Variants in SLCO4C1 observed in about 807,000 individuals in gnomAD.
The protein encoded by SLCO4C1 is solute carrier organic anion transporter family member 4C1, also known as organic anion transporter M1.
Under a neutral mutation model 72.1 loss-of-function variants are expected in SLCO4C1, and 58 were observed. The observed-to-expected ratio is 0.80, with a 90% CI of 0.65 to 1.00. SLCO4C1 has a LOEUF of 1.00. Among genes scored for constraint, SLCO4C1 ranks in the 50% least tolerant of loss-of-function variants. SLCO4C1 has a pLI of 0.00. For synonymous variants in SLCO4C1, 297 were observed against 312.5 expected, an observed-to-expected ratio of 0.95 and a Z score of 0.52; for missense variants, 898 against 857.9, an observed-to-expected ratio of 1.05 and a Z score of -0.58.
chr5:102,253,963 A>G (rs1748788825), intron 8 of SLCO4C1, among the ~76,000 whole-genome samples: 1 of 152,082 alleles, frequency 6.6e-6, no homozygotes, highest in South Asian at 2.1e-4. Context: ...TTATATATAT[A>G]TATATCCCCT....
Position 102,295,967 on chromosome 5 carries a change from T to C in SLCO4C1, c.296A>G (p.Gln99Arg). ...AAAGCCTCCAGGTGTGTTGCAGCGCTGGAGACATTGAGGATGGAAGTTCCT... is the reference window on the plus strand; with the variant it reads ...AAAGCCTCCAGGTGTGTTGCAGCGCCGGAGACATTGAGGATGGAAGTTCCT... Reference protein sequence around the residue: ...GWRNFHPQCLQRCNTPGGFLL... With the variant: ...GWRNFHPQCLRRCNTPGGFLL... Residue 99 changes from glutamine (Q) to arginine (R), a missense_variant, in exon 1 of 13, where the codon CAG becomes CGG. Gln to Arg is a conservative substitution (Grantham distance 43). Transcript: ENST00000310954. 2 of 1,614,254 alleles carry C rather than the reference T, an allele frequency of 1.2e-6. No individual in the cohort carries two copies. Among genetic ancestry groups the C allele is most frequent in the East Asian group, 2.2e-5 (1 of 44,880 alleles).
At chr5:102,247,862 C>T (rs1246084199) in intron 9 of SLCO4C1, among the ~76,000 whole-genome samples, 1 of 150,880 alleles carries the variant, frequency 6.6e-6, no homozygotes, top group African/African-American at 2.4e-5. Flanking sequence ...CGAATCAGAG[C>T]AGAGCCAGAG....
rs757422317 is a variant in SLCO4C1, at chr5:102,257,932, A to G, written c.1273+11T>C. On this transcript the variant is annotated intron_variant, in intron 7 of 12. Transcript: ENST00000310954. ...TAAAATTTTTAGGTTAAGATAAAGA[A>G]AATGTTTTACCTCCAAGAGTAGCTG... 3 of 1,595,100 alleles carry G rather than the reference A, an allele frequency of 1.9e-6. No individual in the cohort carries two copies. The highest frequency in any genetic ancestry group is 2.6e-6 in the Non-Finnish European group (3 of 1,174,610).
At chr5:102,247,890 T>A (rs1006029051) in intron 9 of SLCO4C1, among the ~76,000 whole-genome samples, 2 of 150,580 alleles carry the variant, frequency 1.3e-5, no homozygotes, top group Non-Finnish European at 3.0e-5. Context: ...AGAGAAGCAG[T>A]GCTTTCATTG....
chr5:102,293,605 A>T (rs1749594568), intron 1 of SLCO4C1, among the ~76,000 whole-genome samples: 1 of 152,216 alleles, frequency 6.6e-6, no homozygotes, highest in South Asian at 2.1e-4. Flanking sequence ...TTTCTTTCCA[A>T]TTAAATGTAT....
chr5:102,281,903 G>A (rs1749363469), intron 2 of SLCO4C1, among the ~76,000 whole-genome samples: 1 of 151,938 alleles, frequency 6.6e-6, no homozygotes, highest in South Asian at 2.1e-4. Context: ...TTTACTCCTG[G>A]GCATCTATTC....
In SLCO4C1 at chr5:102,270,680, AG is replaced by A; in HGVS notation, c.745del (p.Leu249TrpfsTer19). ...LGAGGTPLYT[L>X]GTAFLDDSVP... ...AGAATCATCAAGAAAGGCTGTTCCC[AG>A]AGTATAAAGAGGAGTTCCTCCTGCC... is the stretch of plus-strand genomic sequence containing the variant. On this transcript the variant is annotated frameshift_variant, in exon 3 of 13. Transcript: ENST00000310954. LOFTEE classifies it high-confidence loss of function. The A allele has an allele frequency of 6.2e-7, 1 of 1,613,258 alleles. No individual in the cohort carries two copies. Among genetic ancestry groups the A allele is most frequent in the East Asian group, 2.2e-5 (1 of 44,820 alleles).
intron 8 of SLCO4C1, among the ~76,000 whole-genome samples, chr5:102,251,241 G>C (rs757045387): frequency 1.3e-5 from 2 of 152,144 alleles, no homozygotes; most frequent in Non-Finnish European, 2.9e-5. Flanking sequence ...AATGGAAAGT[G>C]ACACTGTCAA....
chr5:102,266,112 A>T (rs1427996695), intron 3 of SLCO4C1, among the ~76,000 whole-genome samples: 1 of 152,094 alleles, frequency 6.6e-6, no homozygotes, highest in Non-Finnish European at 1.5e-5. Flanking sequence ...CTAGTTCATC[A>T]TTGGTGTAAA....
At chr5:102,289,312 G>A (rs1749511566) in intron 2 of SLCO4C1, among the ~76,000 whole-genome samples, 1 of 152,194 alleles carries the variant, frequency 6.6e-6, no homozygotes, top group Non-Finnish European at 1.5e-5. Context: ...AGGAAAATAA[G>A]TTCTTCACAA....
intron 3 of SLCO4C1, among the ~76,000 whole-genome samples, chr5:102,267,131 T>G (rs955148492): frequency 6.6e-6 from 1 of 152,186 alleles, no homozygotes; most frequent in Non-Finnish European, 1.5e-5. Flanking sequence ...AGGGTAATAC[T>G]GGTCTCAGAA....
At chr5:102,272,669 G>A (rs1240222311) in intron 2 of SLCO4C1, among the ~76,000 whole-genome samples, 2 of 152,100 alleles carry the variant, frequency 1.3e-5, no homozygotes, top group East Asian at 1.9e-4. Context: ...ATAGAAATGT[G>A]TTGAGGCAGG....
intron 8 of SLCO4C1, among the ~76,000 whole-genome samples, chr5:102,255,478 T>A (rs935198975): frequency 1.3e-5 from 2 of 152,118 alleles, no homozygotes; most frequent in Non-Finnish European, 2.9e-5. Context: ...GGGGTGAAAG[T>A]CAGGTCTACA....
intron 2 of SLCO4C1, among the ~76,000 whole-genome samples, chr5:102,272,861 C>T (rs1749178504): frequency 6.6e-6 from 1 of 151,896 alleles, no homozygotes. Flanking sequence ...AGGCTGAGGG[C>T]AGAAGAATTG....
At chr5:102,270,521 G>A in intron 3 of SLCO4C1, 103 bp downstream of exon 3, 1 of 900,798 alleles carries the variant, frequency 1.1e-6, no homozygotes, top group Non-Finnish European at 1.6e-6. Flanking sequence ...AAAACCTATG[G>A]CATTACAACT....
chr5:102,253,129 C>T (rs1748772368), intron 8 of SLCO4C1, among the ~76,000 whole-genome samples: 2 of 152,094 alleles, frequency 1.3e-5, no homozygotes, highest in Non-Finnish European at 2.9e-5. Context: ...TGTGTGTATA[C>T]ACTATGGTAT....
intron 8 of SLCO4C1, among the ~76,000 whole-genome samples, chr5:102,251,934 A>G (rs752236349): frequency 6.6e-6 from 1 of 151,934 alleles, no homozygotes; most frequent in African/African-American, 2.4e-5. Context: ...AAGGAGCTAG[A>G]GTTAGAACTA....
Position 102,255,089 on chromosome 5 carries a change from A to G in SLCO4C1, c.1469+2026T>C, listed in dbSNP as rs921785254. 3.9e-5 allele frequency among the ~76,000 whole-genome samples: 6 copies of G among 152,220 alleles called. No individual in the cohort carries two copies. The South Asian group carries it at 6.2e-4, about 16-fold the overall frequency. On this transcript the variant is annotated intron_variant, in intron 8 of 12. Transcript: ENST00000310954. ...TCTGTTCCTATTTCTATTTATATCT[A>G]TATACACACACATACATAAATATGA...
chr5:102,277,689 C>T (rs750109617), intron 2 of SLCO4C1, among the ~76,000 whole-genome samples: 2 of 152,022 alleles, frequency 1.3e-5, no homozygotes, highest in African/African-American at 2.4e-5. Flanking sequence ...CGATGCCACT[C>T]GGCAAATAAG....
Sources: allele counts gnomAD v4.1 joint callset (sites outside exome capture counted in the v4.1 genomes callset), GRCh38; gene constraint gnomAD v4.1.1; transcripts MANE v1.5; gene names NCBI Gene and HGNC (gene_info 2026-07-23, HGNC 2026-07-21).